NAV1: variants seen among roughly 807,000 people sequenced by gnomAD.
NAV1 encodes neuron navigator 1.
In NAV1, 18 loss-of-function variants were observed where a neutral mutation model predicts 175.2. That is an observed-to-expected ratio of 0.10 (90% CI 0.07 to 0.15). NAV1 has a LOEUF of 0.15. Among genes scored for constraint, NAV1 ranks in the 10% least tolerant of loss-of-function variants. The pLI is 1.00. For missense variants in NAV1, 1,731 were observed against 2,436.6 expected (o/e 0.71, Z 6.10); for synonymous variants, 897 against 978.7 (o/e 0.92, Z 1.56).
intron 13 of NAV1, 93 bp downstream of exon 17, chr1:201,790,859 TC>T: frequency 8.1e-7 from 1 of 1,231,886 alleles, no homozygotes; most frequent in Non-Finnish European, 1.2e-6. Flanking sequence ...TGGTAAGGTA[TC>T]CCCTGGACTG....
At chr1:201,552,214 G>A (rs909555783) in intron 1 of NAV1, among the ~76,000 whole-genome samples, 1 of 152,220 alleles carries the variant, frequency 6.6e-6, no homozygotes, top group South Asian at 2.1e-4. Context: ...TCTGGGAAAG[G>A]CCTCCCAGGG....
Position 201,782,671 on chromosome 1 carries a change from A to C in NAV1, c.2159A>C (p.Lys720Thr). 1 of 1,614,144 alleles carries C rather than the reference A, an allele frequency of 6.2e-7. No individual in the cohort carries two copies. ...CCTTCCAGACTGAAGGAGCCTACCA[A>C]GGTAGCCAGTGGGCGGACCACTCCA... Residue 720 changes from lysine to threonine, a missense_variant, in exon 6 of 30, where the codon AAG (lysine) becomes ACG (threonine). Around this residue, in one of 13 missense-constraint regions of NAV1, gnomAD observed 634 missense variants for 766.8 expected, o/e 0.83. Coordinates refer to ENST00000367296, the Ensembl canonical transcript of NAV1. This position sits in a 1 kb window ranked among gnomAD's most constrained non-coding sequence, Gnocchi z 5.4.
intron 1 of NAV1, among the ~76,000 whole-genome samples, chr1:201,558,077 C>T (rs770270650): frequency 6.6e-6 from 1 of 152,198 alleles, no homozygotes; most frequent in African/African-American, 2.4e-5. Flanking sequence ...TTATTTATCC[C>T]CTCAATGTTT....
chr1:201,762,065 T>G (rs1195463048), intron 3 of NAV1, among the ~76,000 whole-genome samples: 1 of 152,076 alleles, frequency 6.6e-6, no homozygotes, highest in East Asian at 1.9e-4. Context: ...GAAGCTGAGG[T>G]GCGAGGATCC....
intron 28 of NAV1, among the ~76,000 whole-genome samples, chr1:201,814,361 A>C (rs2176481): frequency 0.99 from 149,873 of 151,664 alleles, 74,064 homozygotes; most frequent in East Asian, 1. Flanking sequence ...CAGAGTGAGA[A>C]CCTGTCTCAA....
chr1:201,783,666 G>A (rs760915786), exon 7 of NAV1: 26 of 1,614,178 alleles, frequency 1.6e-5, no homozygotes, highest in South Asian at 9.9e-5. Flanking sequence ...AAAGAGACCC[G>A]CATGTACCCC....
exon 30 of NAV1, chr1:201,826,328 T>TACCCTACA (rs1016095236): frequency 6.6e-6 from 1 of 152,232 alleles, no homozygotes; most frequent in Non-Finnish European, 1.5e-5. Flanking sequence ...ACGAAGATGA[T>TACCCTACA]ATCAAGGCAG....
At chr1:201,721,877 T>A (rs2102493483) in intron 3 of NAV1, among the ~76,000 whole-genome samples, 1 of 152,314 alleles carries the variant, frequency 6.6e-6, no homozygotes, top group Non-Finnish European at 1.5e-5. Flanking sequence ...GATCATCCCT[T>A]TGACGGCTCT....
At chr1:201,680,184 C>T (rs1322023713) in intron 1 of NAV1, among the ~76,000 whole-genome samples, 1 of 152,072 alleles carries the variant, frequency 6.6e-6, no homozygotes, top group African/African-American at 2.4e-5. Context: ...TGTCACACGG[C>T]AAGAGAGAGA....
chr1:201,641,934 CCTTT>C (rs985214738), intron 2 of NAV1, among the ~76,000 whole-genome samples: 22 of 152,020 alleles, frequency 1.4e-4, no homozygotes, highest in Admixed American at 8.5e-4. Context: ...CTCCCTCCCT[CCTTT>C]CTTTCTCTTT....
chr1:201,689,050 C>T (rs1670793212), intron 1 of NAV1, among the ~76,000 whole-genome samples: 1 of 152,192 alleles, frequency 6.6e-6, no homozygotes, highest in Middle Eastern at 3.2e-3. Flanking sequence ...CATGGGCTTC[C>T]AAGAGGCAGT....
chr1:201,563,693 G>A (rs1248569312), intron 1 of NAV1, among the ~76,000 whole-genome samples: 1 of 152,120 alleles, frequency 6.6e-6, no homozygotes, highest in Non-Finnish European at 1.5e-5. Context: ...TATTGTAGGG[G>A]TAGAATGAGG....
intron 13 of NAV1, 99 bp from the exon 18 acceptor site, chr1:201,793,693 C>T (rs1421981205): frequency 2.3e-5 from 24 of 1,039,522 alleles, no homozygotes; most frequent in East Asian, 1.3e-4. Context: ...TGGTCAGCTC[C>T]GAGATACAGG....
intron 24 of NAV1, among the ~76,000 whole-genome samples, chr1:201,811,121 T>A (rs1372798440): frequency 6.6e-6 from 1 of 152,190 alleles, no homozygotes; most frequent in Non-Finnish European, 1.5e-5. Context: ...ACCCTGTCAA[T>A]CCCATCCCTT....
At chr1:201,617,377 A>G (rs1668035924) in intron 2 of NAV1, among the ~76,000 whole-genome samples, 1 of 152,152 alleles carries the variant, frequency 6.6e-6, no homozygotes, top group African/African-American at 2.4e-5. Context: ...AAGTTATCAC[A>G]AAGGATGATT....
At chr1:201,777,293 A>G (rs553370513) in intron 3 of NAV1, among the ~76,000 whole-genome samples, 1 of 152,374 alleles carries the variant, frequency 6.6e-6, no homozygotes, top group Admixed American at 6.5e-5. Context: ...CAGCAGATCC[A>G]GAGAGCAAAC....
chr1:201,783,036 A>C (rs552840), intron 6 of NAV1, among the ~76,000 whole-genome samples, 167 bp downstream of exon 10: 2 of 152,032 alleles, frequency 1.3e-5, no homozygotes, highest in African/African-American at 4.8e-5. Context: ...GAAAGAATCT[A>C]GTTTCTGACA....
intron 7 of NAV1, 95 bp from the exon 12 acceptor site, chr1:201,785,215 C>T (rs933455865): frequency 2.3e-5 from 31 of 1,328,654 alleles, no homozygotes; most frequent in Non-Finnish European, 3.1e-5. Context: ...CTAGGGTCTG[C>T]ATACCTCACA....
chr1:201,627,470 G>A (rs533405690), intron 1 of NAV1, among the ~76,000 whole-genome samples: 47 of 151,662 alleles, frequency 3.1e-4, no homozygotes, highest in South Asian at 8.3e-4. Context: ...GCGGGGTTTC[G>A]CCATGTTTGC....
Sources: gnomAD v4.1 joint callset for allele counts (sites outside exome capture counted in the v4.1 genomes callset) on GRCh38, gnomAD v4.1.1 for gene constraint, gnomAD v4.1.1 regional missense constraint, Gnocchi (gnomAD v3.1) non-coding constraint, MANE v1.5 for transcripts, NCBI Gene and HGNC (gene_info 2026-07-23, HGNC 2026-07-21) for gene names.